The following DNAH5 variants were observed in gnomAD, a reference collection of about 807,000 sequenced individuals.
DNAH5 encodes the protein dynein axonemal heavy chain 5, also known as axonemal beta dynein heavy chain 5.
A neutral mutation model predicts 518.2 loss-of-function variants in DNAH5; 372 were observed. The ratio of observed to expected loss-of-function variants is 0.72; its 90% CI spans 0.66 to 0.78. The LOEUF is 0.78. DNAH5 is among the 30% of genes least tolerant of loss of function. DNAH5 has a pLI of 0.00. For missense variants in DNAH5, 5,523 were observed against 5,687.0 expected (o/e 0.97, Z 0.93); for synonymous variants, 2,039 against 2,025.9 (o/e 1.01, Z -0.17).
rs777090465 is a variant in DNAH5 at position 13,786,240 on chromosome 5, C to A, written c.8759G>T (p.Ser2920Ile). 1 of 1,614,058 alleles carries A rather than the reference C, an allele frequency of 6.2e-7. No individual in the cohort carries two copies. The highest frequency in any genetic ancestry group is 1.1e-5 in the South Asian group (1 of 91,084). The change falls in exon 52 of 79, where the codon AGC becomes ATC. Residue 2920 changes from serine (S) to isoleucine (I), a missense_variant. Physicochemically the swap from Ser to Ile is moderately radical, Grantham distance 142 (BLOSUM62 -2). Coordinates refer to ENST00000265104, the MANE Select transcript of DNAH5 (RefSeq NM_001369.3). ...LNMFLQLYNE[S>I]IRGAGMDMVF... ...CATGTCCATGCCGGCGCCACGGATG[C>A]TCTCATTATAGAGCTGCAGGAACAT...
chr5:13,750,769 A>G (rs1750097075), intron 65 of DNAH5, among the ~76,000 whole-genome samples: 1 of 152,246 alleles, frequency 6.6e-6, no homozygotes, highest in African/African-American at 2.4e-5. Context: ...TTTTCAGAAC[A>G]ATCAAGTAAT....
At chr5:13,880,585 G>A (rs546023572) in intron 21 of DNAH5, among the ~76,000 whole-genome samples, 24 of 151,862 alleles carry the variant, frequency 1.6e-4, no homozygotes, top group Non-Finnish European at 3.1e-4. Flanking sequence ...TATAGAATTT[G>A]TATATGCAAT....
At chr5:13,798,137 G>T (rs2126939478) in intron 47 of DNAH5, among the ~76,000 whole-genome samples, 1 of 152,142 alleles carries the variant, frequency 6.6e-6, no homozygotes, top group South Asian at 2.1e-4. Flanking sequence ...AAACCAACAT[G>T]GCACATGTAT....
rs761289479 is a variant in DNAH5 at position 13,911,444 on chromosome 5, C to A, written c.1586G>T (p.Arg529Leu). The part of the protein sequence containing the change: ...KKKEYNFLDQ[R>L]KMDFDQDYEE... ...GTAATCTTGGTCAAAATCCATTTTC[C>A]GCTGGTCTAGGAAATTGTATTCCTT... is the stretch of plus-strand genomic sequence containing the variant. The change falls in exon 12 of 79, where the codon CGG (arginine) becomes CTG (leucine). Residue 529 changes from arginine (R) to leucine (L), a missense_variant. Transcript: ENST00000265104. The A allele has an allele frequency of 6.2e-7, 1 of 1,613,980 alleles. No homozygotes were observed. The highest frequency in any genetic ancestry group is 1.7e-5 in the Admixed American group (1 of 60,012).
At chr5:13,961,486 A>C (rs1781175337) in intron 1 of DNAH5, among the ~76,000 whole-genome samples, 3 of 152,082 alleles carry the variant, frequency 2.0e-5, no homozygotes, top group South Asian at 4.2e-4. Context: ...TCTATTAAAA[A>C]TACAAAAATC....
rs142599351 is a variant in DNAH5 at position 13,994,602 on chromosome 5, A to G, written c.12+17046T>C. Among the ~76,000 whole-genome samples, 444 of 152,246 alleles carry G rather than the reference A, an allele frequency of 2.9e-3. 4 individuals are homozygous for G. Among genetic ancestry groups the G allele is most frequent in the African/African-American group, 9.9e-3 (412 of 41,504 alleles). On this transcript the variant is annotated intron_variant, in intron 1 of 78. Transcript: ENST00000681290. ...CTGACCTGACACAGAAAATAAGGTTATCTCATTCTTCAGTAGTATTGCTAG... is the reference window on the plus strand; with the variant it reads ...CTGACCTGACACAGAAAATAAGGTTGTCTCATTCTTCAGTAGTATTGCTAG...
chr5:13,786,313 T>TGG lies in DNAH5; in HGVS notation c.8685_8686insCC (p.Ile2896ProfsTer12). On this transcript the variant is annotated frameshift_variant, in exon 52 of 79. Transcript: ENST00000265104. LOFTEE classifies it high-confidence loss of function. ...CTAAAAGATTCAATTGGCTCATAAA[T>TGG]TTTAGGTGTTTCAGCATCAGCCTCT... 1.2e-6 allele frequency: 2 copies of TGG among 1,614,088 alleles called. No homozygotes were observed. The highest frequency in any genetic ancestry group is 1.7e-6 in the Non-Finnish European group (2 of 1,180,008).
intron 16 of DNAH5, among the ~76,000 whole-genome samples, chr5:13,893,877 G>C (rs540979915): frequency 6.6e-6 from 1 of 151,114 alleles, no homozygotes; most frequent in Non-Finnish European, 1.5e-5. Flanking sequence ...GTAAGACACT[G>C]GCTAGGAGAG....
intron 63 of DNAH5, 147 bp downstream of exon 63, chr5:13,753,086 T>C (rs1258470422): frequency 1.6e-6 from 1 of 628,940 alleles, no homozygotes. Context: ...ATTTTTATAT[T>C]AGATTTAAGC....
intron 30 of DNAH5, among the ~76,000 whole-genome samples, chr5:13,851,245 TG>T (rs1251348608): frequency 6.6e-6 from 1 of 152,192 alleles, no homozygotes; most frequent in African/African-American, 2.4e-5. Context: ...CCAGTATAAC[TG>T]GAATATTGTA....
chr5:14,002,544 A>G (rs549914128), intron 1 of DNAH5, among the ~76,000 whole-genome samples: 2 of 152,318 alleles, frequency 1.3e-5, no homozygotes, highest in African/African-American at 4.8e-5. Flanking sequence ...TGTCTGGCAA[A>G]ACAATATGTG....
chr5:13,783,558 C>G (rs13361023), intron 52 of DNAH5, among the ~76,000 whole-genome samples: 2,833 of 152,176 alleles, frequency 0.019, 77 homozygotes, highest in African/African-American at 0.064. Context: ...GGATCACACA[C>G]CAGGCAGAGC....
intron 34 of DNAH5, among the ~76,000 whole-genome samples, chr5:13,840,294 G>A (rs1238642659): frequency 6.6e-6 from 1 of 151,952 alleles, no homozygotes; most frequent in Non-Finnish European, 1.5e-5. Flanking sequence ...ATGAGAATAA[G>A]AGCTTTTTGC....
intron 78 of DNAH5, among the ~76,000 whole-genome samples, chr5:13,695,586 C>T (rs1298800387): frequency 3.3e-5 from 5 of 152,210 alleles, no homozygotes; most frequent in African/African-American, 7.2e-5. Context: ...ATGTGATTCT[C>T]ATACCAGCTT....
At chr5:13,737,677 C>G (rs1747735627) in intron 65 of DNAH5, among the ~76,000 whole-genome samples, 182 bp from the exon 66 acceptor site, 1 of 152,094 alleles carries the variant, frequency 6.6e-6, no homozygotes, top group African/African-American at 2.4e-5. Flanking sequence ...GTAATCCCAG[C>G]ACTTTGGGAG....
intron 60 of DNAH5, 53 bp downstream of exon 60, chr5:13,762,669 G>C: frequency 4.6e-6 from 7 of 1,538,356 alleles, no homozygotes; most frequent in Non-Finnish European, 5.4e-6. Context: ...AAGACGGGTC[G>C]ACCTGGAGAC....
intron 50 of DNAH5, among the ~76,000 whole-genome samples, chr5:13,791,674 AT>A (rs1757011763): frequency 6.6e-6 from 1 of 152,228 alleles, no homozygotes; most frequent in South Asian, 2.1e-4. Context: ...TGTTTCCATT[AT>A]TTAGTATAAG....
intron 77 of DNAH5, 60 bp from the exon 78 acceptor site, chr5:13,700,931 A>T: frequency 1.3e-6 from 2 of 1,520,510 alleles, no homozygotes; most frequent in South Asian, 2.2e-5. Flanking sequence ...TAGAAAGAGC[A>T]TAACAATAAT....
In DNAH5 at chr5:13,844,810, T is replaced by C. The variant is rs1029695470; in HGVS notation, c.5271+27A>G. 3.7e-6 allele frequency: 6 copies of C among 1,614,014 alleles called. No individual in the cohort carries two copies. The African/African-American group carries it at 4.0e-5, about 11-fold the overall frequency. On this transcript the variant is annotated intron_variant, in intron 32 of 78. Transcript: ENST00000265104. Reference sequence around the variant, plus strand: ...TTGAGGTTCGAAGGTACGGTGATTGTTGGCCTGCCATTAGAATTAGGCGAA... The same window carrying C: ...TTGAGGTTCGAAGGTACGGTGATTGCTGGCCTGCCATTAGAATTAGGCGAA...
Sources: allele counts gnomAD v4.1 joint callset (sites outside exome capture counted in the v4.1 genomes callset), GRCh38; gene constraint gnomAD v4.1.1; transcripts MANE v1.5; gene names NCBI Gene and HGNC (gene_info 2026-07-23, HGNC 2026-07-21).